The following WDR7 variants were observed in gnomAD, a reference collection of about 807,000 sequenced individuals.
WDR7 encodes the protein WD repeat domain 7.
Under a neutral mutation model 169.4 loss-of-function variants are expected in WDR7, and 46 were observed. That is an observed-to-expected ratio of 0.27 (90% CI 0.21 to 0.35). WDR7 has a LOEUF of 0.35. WDR7 is among the 10% of genes least tolerant of loss of function. The pLI is 1.00. For synonymous variants in WDR7, 612 were observed against 666.8 expected (o/e 0.92, Z 1.27); for missense variants, 1,534 against 1,859.3 (o/e 0.83, Z 3.22).
rs537501088 is a variant in WDR7, at chr18:56,744,149, G to T, written c.1990-12434G>T. ...AGCTACTCGGGAGGCTGAGGCAGGA[G>T]AATGGCGTGAACCCGGGAGGCGGAG... On this transcript the variant is annotated intron_variant, in intron 14 of 27. Transcript: ENST00000254442. Among the ~76,000 whole-genome samples the T allele has an allele frequency of 4.7e-5, 7 of 150,502 alleles. No individual in the cohort carries two copies. In the South Asian group the frequency reaches 1.3e-3, roughly 27 times the overall value.
At chr18:56,797,500 T>A (rs1440284833) in intron 19 of WDR7, among the ~76,000 whole-genome samples, 1 of 151,828 alleles carries the variant, frequency 6.6e-6, no homozygotes, top group East Asian at 1.9e-4. Flanking sequence ...ATGGTATATT[T>A]ATATACCATT....
intron 12 of WDR7, among the ~76,000 whole-genome samples, chr18:56,712,606 C>A (rs566690289): frequency 6.6e-6 from 1 of 152,242 alleles, no homozygotes; most frequent in East Asian, 1.9e-4. Flanking sequence ...GTCATTGGTG[C>A]ATATTGCATG....
intron 21 of WDR7, among the ~76,000 whole-genome samples, chr18:56,894,554 C>A (rs1304466057): frequency 6.6e-6 from 1 of 152,204 alleles, no homozygotes; most frequent in East Asian, 1.9e-4. Flanking sequence ...CAAACTGCTG[C>A]CTTTCCTCCC....
intron 20 of WDR7, among the ~76,000 whole-genome samples, chr18:56,848,552 T>C (rs2045598531): frequency 6.6e-6 from 1 of 152,142 alleles, no homozygotes; most frequent in Admixed American, 6.5e-5. Flanking sequence ...TATGGATTTC[T>C]GTCTCCAAAT....
At chr18:57,012,832 A>G (rs900512060) in intron 26 of WDR7, among the ~76,000 whole-genome samples, 1 of 152,188 alleles carries the variant, frequency 6.6e-6, no homozygotes, top group Non-Finnish European at 1.5e-5. Context: ...ATTCTAACCC[A>G]AACAAGTTAT....
intron 25 of WDR7, among the ~76,000 whole-genome samples, chr18:56,961,828 C>T (rs913056049): frequency 2.0e-5 from 3 of 152,092 alleles, no homozygotes; most frequent in African/African-American, 7.2e-5. Flanking sequence ...AGCTGGTAAA[C>T]ATGGGAAATC....
At chr18:56,963,211 C>T (rs527786043) in intron 26 of WDR7, among the ~76,000 whole-genome samples, 10 of 152,224 alleles carry the variant, frequency 6.6e-5, no homozygotes, top group African/African-American at 2.2e-4. Context: ...ATCCCAGAGT[C>T]GCACTGTTAC....
intron 25 of WDR7, among the ~76,000 whole-genome samples, chr18:56,948,834 G>GCACACATGGAGTTCAGCCATCT (rs1363988678): frequency 1.3e-5 from 2 of 152,118 alleles, no homozygotes; most frequent in Non-Finnish European, 2.9e-5. Flanking sequence ...CGTGTCAGGG[G>GCACACATGGAGTTCAGCCATCT]CACACATGGA....
intron 27 of WDR7, among the ~76,000 whole-genome samples, chr18:57,023,764 A>G (rs536529890): frequency 6.6e-6 from 1 of 152,320 alleles, no homozygotes; most frequent in African/African-American, 2.4e-5. Context: ...TTAGTAATGA[A>G]ATACAGTCAC....
intron 21 of WDR7, among the ~76,000 whole-genome samples, chr18:56,884,710 C>T (rs952686462): frequency 6.6e-6 from 1 of 152,120 alleles, no homozygotes; most frequent in Non-Finnish European, 1.5e-5. Context: ...CTCTACCTGC[C>T]CTGATAGCAA....
At chr18:56,773,107 A>C (rs1599032571) in intron 16 of WDR7, among the ~76,000 whole-genome samples, 1 of 152,332 alleles carries the variant, frequency 6.6e-6, no homozygotes, top group East Asian at 1.9e-4. Context: ...GAATTAAAGC[A>C]CAGTGCCTTC....
At chr18:56,754,883 C>T (rs964279044) in intron 14 of WDR7, among the ~76,000 whole-genome samples, 2 of 152,092 alleles carry the variant, frequency 1.3e-5, no homozygotes, top group African/African-American at 4.8e-5. Flanking sequence ...CCAAATTACT[C>T]TTTTAAAACT....
At chr18:56,865,031 A>G (rs1478693890) in intron 20 of WDR7, among the ~76,000 whole-genome samples, 1 of 151,936 alleles carries the variant, frequency 6.6e-6, no homozygotes. Flanking sequence ...TATCCAATGC[A>G]CTCTAATCCA....
At chr18:56,977,491 G>A (rs1438479238) in intron 26 of WDR7, among the ~76,000 whole-genome samples, 2 of 152,180 alleles carry the variant, frequency 1.3e-5, no homozygotes, top group East Asian at 1.9e-4. Context: ...AAACCTTAGT[G>A]TCCCACATCC....
At chr18:56,660,044 A>G (rs1350793829) in intron 1 of WDR7, among the ~76,000 whole-genome samples, 2 of 152,166 alleles carry the variant, frequency 1.3e-5, no homozygotes, top group African/African-American at 2.4e-5. Flanking sequence ...AGGTATAGCC[A>G]GTGGAGTTTA....
intron 1 of WDR7, among the ~76,000 whole-genome samples, chr18:56,655,618 C>CAAA (rs56899358): frequency 0.17 from 22,863 of 132,770 alleles, 2,406 homozygotes; most frequent in African/African-American, 0.31. Context: ...GACCCTGTCT[C>CAAA]AAAAAAAAAA....
chr18:56,664,223 G>A (rs489021), intron 1 of WDR7, among the ~76,000 whole-genome samples: 139,728 of 152,186 alleles, frequency 0.92, 65,309 homozygotes, highest in East Asian at 1. Flanking sequence ...TTCATGTAGT[G>A]GGAGATCTTG....
At chr18:56,708,910 C>T (rs962419202) in intron 12 of WDR7, among the ~76,000 whole-genome samples, 5 of 152,174 alleles carry the variant, frequency 3.3e-5, no homozygotes, top group African/African-American at 1.2e-4. Flanking sequence ...GTACTCCAGC[C>T]TGTGCAACAG....
intron 26 of WDR7, among the ~76,000 whole-genome samples, chr18:56,963,965 G>C (rs1047537141): frequency 2.6e-5 from 4 of 151,298 alleles, no homozygotes; most frequent in Non-Finnish European, 4.4e-5. Flanking sequence ...AGGTGACCTT[G>C]TCAGGCTTCT....
Sources: allele counts gnomAD v4.1 joint callset (sites outside exome capture counted in the v4.1 genomes callset), GRCh38; gene constraint gnomAD v4.1.1; transcripts MANE v1.5; gene names NCBI Gene and HGNC (gene_info 2026-07-23, HGNC 2026-07-21).